REPS1: variants seen among roughly 807,000 people sequenced by gnomAD.
REPS1 encodes ralBP1-associated Eps domain-containing protein 1.
A neutral mutation model predicts 100.9 loss-of-function variants in REPS1; 39 were observed. That is an observed-to-expected ratio of 0.39 (90% CI 0.30 to 0.50). The LOEUF (loss-of-function observed/expected upper bound fraction) is 0.50, where lower values mean the gene tolerates loss of function less well. Among genes scored for constraint, REPS1 ranks in the 20% least tolerant of loss-of-function variants. The pLI is 0.86. For missense variants in REPS1, 821 were observed against 968.5 expected, an observed-to-expected ratio of 0.85 and a Z score of 2.02; for synonymous variants, 324 against 340.3, an observed-to-expected ratio of 0.95 and a Z score of 0.53.
At chr6:138,917,916 C>T (rs932154539) in intron 12 of REPS1, among the ~76,000 whole-genome samples, 1 of 152,104 alleles carries the variant, frequency 6.6e-6, no homozygotes, top group Non-Finnish European at 1.5e-5. Context: ...TACAATGTGG[C>T]CCTCCAAATC....
At chr6:138,936,169 C>T (rs965561489) in intron 8 of REPS1, among the ~76,000 whole-genome samples, 2 of 152,122 alleles carry the variant, frequency 1.3e-5, no homozygotes, top group Non-Finnish European at 2.9e-5. Flanking sequence ...CCCAAGGACA[C>T]TTACTAATCC....
At chr6:138,934,461 A>T (rs1781677565) in intron 8 of REPS1, 1 of 356,402 alleles carries the variant, frequency 2.8e-6, no homozygotes, top group Non-Finnish European at 6.0e-6. Flanking sequence ...CCTACGGCTT[A>T]TTCTACATTT....
At position 138,911,350 on chromosome 6, in the gene REPS1, C is replaced by A. The variant is rs758462837; in HGVS notation, c.1993G>T (p.Ala665Ser). 6.2e-7 allele frequency: 1 copy of A among 1,613,026 alleles called. No individual in the cohort carries two copies. The highest frequency in any genetic ancestry group is 8.5e-7 in the Non-Finnish European group (1 of 1,179,158). The change falls in exon 17 of 20, where the codon GCA becomes TCA. Residue 665 changes from alanine (A) to serine (S), a missense_variant. Transcript: ENST00000450536. ...GTTTTGGCAACTCGAAGAGAACTTG[C>A]AGGATCAGAAGCTTTTTCAGCCTAA... ...VLPAEKASDP[A>S]SSLRVAKTDS...
chr6:138,931,831 A>C (rs1056578971), intron 8 of REPS1, among the ~76,000 whole-genome samples: 3 of 152,190 alleles, frequency 2.0e-5, no homozygotes, highest in Middle Eastern at 3.2e-3. Context: ...AGTAGCTATA[A>C]ATTTGACAAT....
At chr6:138,975,819 G>A (rs1030841058) in intron 1 of REPS1, among the ~76,000 whole-genome samples, 8 of 152,096 alleles carry the variant, frequency 5.3e-5, no homozygotes, top group Admixed American at 5.2e-4. Context: ...GGGAGACAGA[G>A]CCAGACTCCG....
At chr6:138,963,735 T>G (rs1282520154) in intron 1 of REPS1, among the ~76,000 whole-genome samples, 2 of 152,172 alleles carry the variant, frequency 1.3e-5, no homozygotes, top group Admixed American at 6.5e-5. Context: ...AGCCCCGTCA[T>G]TCCAAAATGG....
chr6:138,930,195 A>T, intron 8 of REPS1, 97 bp from the exon 9 acceptor site: 1 of 906,014 alleles, frequency 1.1e-6, no homozygotes, highest in Non-Finnish European at 1.7e-6. Flanking sequence ...GATGATTTTC[A>T]TAAGTAGTAA....
chr6:138,975,760 G>A (rs1784568328), intron 1 of REPS1, among the ~76,000 whole-genome samples: 1 of 152,124 alleles, frequency 6.6e-6, no homozygotes, highest in African/African-American at 2.4e-5. Flanking sequence ...CTTGAACCTG[G>A]GAGGCAGAGG....
intron 14 of REPS1, 35 bp from the exon 15 acceptor site, chr6:138,914,796 T>G: frequency 6.5e-7 from 1 of 1,550,160 alleles, no homozygotes; most frequent in Non-Finnish European, 8.9e-7. Context: ...TTTTAGTAAC[T>G]GTATAATCAC....
rs1782136235 is a variant in REPS1, at chr6:138,940,193, CATGTATATTTTT to C, written c.1135+1130_1135+1141del. Among the ~76,000 whole-genome samples the C allele has an allele frequency of 2.0e-5, 3 of 152,114 alleles. No homozygotes were observed. The South Asian group carries it at 6.2e-4, about 32-fold the overall frequency. ...CGTAATTTAGACAACTAAGTCAGACCATGTATATTTTTAGGTTAAAGAGATGCTGCCTGATAG... is the reference window on the plus strand; with the variant it reads ...CGTAATTTAGACAACTAAGTCAGACCAGGTTAAAGAGATGCTGCCTGATAG... On this transcript the variant is annotated intron_variant, in intron 8 of 19. Coordinates refer to ENST00000450536, the MANE Select transcript of REPS1 (RefSeq NM_001286611.2).
intron 14 of REPS1, 52 bp downstream of exon 14, chr6:138,915,806 G>T: frequency 7.9e-7 from 1 of 1,262,466 alleles, no homozygotes; most frequent in Non-Finnish European, 1.1e-6. Flanking sequence ...ATGTGTGTTG[G>T]ATTAACTTTA....
chr6:138,921,237 C>T (rs1780734139), intron 10 of REPS1, 113 bp from the exon 11 acceptor site: 4 of 641,458 alleles, frequency 6.2e-6, no homozygotes, highest in Non-Finnish European at 1.1e-5. Context: ...CCCATTTACA[C>T]TAAGGCAGGC....
chr6:138,946,466 A>C (rs1782621948), intron 2 of REPS1, among the ~76,000 whole-genome samples: 2 of 152,218 alleles, frequency 1.3e-5, no homozygotes, highest in Admixed American at 6.5e-5. Context: ...CCTCCATTAC[A>C]TGATTACTTT....
At chr6:138,952,567 T>C (rs770506842) in intron 1 of REPS1, among the ~76,000 whole-genome samples, 12 of 151,780 alleles carry the variant, frequency 7.9e-5, no homozygotes, top group Middle Eastern at 3.4e-3. Context: ...CCCTGGCTAA[T>C]TTTTGTATTT....
rs552449673 is a variant in REPS1, at chr6:138,983,546, T to G, written c.153+3984A>C. On this transcript the variant is annotated intron_variant, in intron 1 of 19. Coordinates refer to ENST00000450536, the MANE Select transcript of REPS1 (RefSeq NM_001286611.2). ...CAAATGAGTTCTTCCATGAAAATGA[T>G]TTGCCTGGTTAAAGGAACATAATAG... Among the ~76,000 whole-genome samples, 17 of 152,290 alleles carry G rather than the reference T, an allele frequency of 1.1e-4. 1 individual carries two copies. The highest frequency in any genetic ancestry group is 6.8e-3 in the Middle Eastern group (2 of 294).
chr6:138,905,393 G>A (rs569849233), intron 19 of REPS1, among the ~76,000 whole-genome samples: 1 of 152,032 alleles, frequency 6.6e-6, no homozygotes, highest in South Asian at 2.1e-4. Context: ...CCGGGTTCAC[G>A]CCATTCTCCT....
intron 11 of REPS1, among the ~76,000 whole-genome samples, 164 bp from the exon 12 acceptor site, chr6:138,920,480 GTTTA>G (rs140668151): frequency 1.3e-3 from 198 of 152,154 alleles, no homozygotes; most frequent in African/African-American, 4.3e-3. Flanking sequence ...ATGTAAAACT[GTTTA>G]TTTATAATTT....
At chr6:138,964,783 C>A (rs1191949748) in intron 1 of REPS1, among the ~76,000 whole-genome samples, 1 of 151,762 alleles carries the variant, frequency 6.6e-6, no homozygotes, top group African/African-American at 2.4e-5. Context: ...ACAGAAAGTT[C>A]AAATATATAT....
rs1779486138 is a variant in REPS1, at chr6:138,903,716, G to A, written c.*1348C>T. The A allele has an allele frequency of 6.6e-6, 1 of 152,090 alleles. No individual in the cohort carries two copies. The highest frequency in any genetic ancestry group is 1.5e-5 in the Non-Finnish European group (1 of 68,028). 9.4% of individuals were successfully genotyped at this position (152,090 alleles called of 1,614,324 possible). A position where few individuals can be genotyped will look rare whatever the true frequency, so the allele number is the denominator to read the frequency against. The stretch of plus-strand genomic sequence containing the variant: ...AAAAACAGGTGTTGAGTAGTTTCCT[G>A]GGCCTTTAATGCTTTAAATTTATTA... On this transcript the variant is annotated 3_prime_UTR_variant, in exon 20 of 20. Transcript: ENST00000450536.
Sources: allele counts gnomAD v4.1 joint callset (sites outside exome capture counted in the v4.1 genomes callset), GRCh38; gene constraint gnomAD v4.1.1; transcripts MANE v1.5; gene names NCBI Gene and HGNC (gene_info 2026-07-23, HGNC 2026-07-21).